Variants in ZNF607 observed in about 807,000 individuals in gnomAD.
The protein encoded by ZNF607 is zinc finger protein 607.
ZNF607 carries 5 observed loss-of-function variants against 12.8 expected under a neutral mutation model. That is an observed-to-expected ratio of 0.39 (90% CI 0.20 to 0.82). The LOEUF is 0.82. Ranked by LOEUF, ZNF607 falls within the 40% of genes least tolerant of loss-of-function variation. The probability of loss-of-function intolerance (pLI) is 0.39; values close to 1 mark genes in which losing one functional copy is unlikely to be tolerated. For missense variants in ZNF607, 851 were observed against 859.2 expected (o/e 0.99, Z 0.12); for synonymous variants, 287 against 276.2 (o/e 1.04, Z -0.39).
chr19:37,704,655 T>A (rs541479035), intron 4 of ZNF607, among the ~76,000 whole-genome samples: 1 of 152,214 alleles, frequency 6.6e-6, no homozygotes, highest in East Asian at 1.9e-4. Context: ...TATGTTAGCA[T>A]AAATAACAAC....
At chr19:37,712,482 G>A (rs755990086) in intron 1 of ZNF607, among the ~76,000 whole-genome samples, 1 of 152,124 alleles carries the variant, frequency 6.6e-6, no homozygotes, top group Admixed American at 6.6e-5. Flanking sequence ...CTGAACTCCA[G>A]CCTGGGTGAC....
chr19:37,696,554 T>C lies in ZNF607; in HGVS notation c.*1486A>G. 1 of 482,258 alleles carries C rather than the reference T, an allele frequency of 2.1e-6. No individual in the cohort carries two copies. Among genetic ancestry groups the C allele is most frequent in the Non-Finnish European group, 3.8e-6 (1 of 265,166 alleles). The allele number at this position is 482,258 out of a possible 1,614,324, so 29.9% of individuals were successfully genotyped here. A position where few individuals can be genotyped will look rare whatever the true frequency, so the allele number is the denominator to read the frequency against. On this transcript the variant is annotated 3_prime_UTR_variant, in exon 5 of 5. Transcript: ENST00000355202. ...TGATTTCTGGGGTGAGGGCGAAAGGTGGTGTTACGAATCATCGGGGCTGTG... is the reference window on the plus strand; with the variant it reads ...TGATTTCTGGGGTGAGGGCGAAAGGCGGTGTTACGAATCATCGGGGCTGTG...
Position 37,697,201 on chromosome 19 carries a change from C to A in ZNF607, c.*839G>T. ...GCACTACGTGGTTGAGAACAGCAGT[C>A]AAAGATAATTGGTTTTTGTACACAT... is the stretch of plus-strand genomic sequence containing the variant. On this transcript the variant is annotated 3_prime_UTR_variant, in exon 5 of 5. Coordinates refer to ENST00000355202, the MANE Select transcript of ZNF607 (RefSeq NM_032689.5). The A allele has an allele frequency of 1.4e-6, 1 of 733,618 alleles. No homozygotes were observed. Among genetic ancestry groups the A allele is most frequent in the South Asian group, 1.4e-5 (1 of 71,026 alleles). 45.4% of individuals were successfully genotyped at this position (733,618 alleles called of 1,614,324 possible).
intron 2 of ZNF607, 51 bp from the exon 3 acceptor site, chr19:37,709,873 G>A: frequency 6.3e-7 from 1 of 1,596,276 alleles, no homozygotes; most frequent in African/African-American, 1.3e-5. Context: ...ATGGAGTGGA[G>A]GGGCCGGGCA....
At chr19:37,705,675 A>ACT in intron 4 of ZNF607, among the ~76,000 whole-genome samples, 1 of 122,810 alleles carries the variant, frequency 8.1e-6, no homozygotes, top group South Asian at 2.6e-4. Flanking sequence ...AGAAAGCAAG[A>ACT]CTCTCTCTCC....
At chr19:37,702,378 AAAAC>A (rs1253861759) in intron 4 of ZNF607, among the ~76,000 whole-genome samples, 1 of 152,076 alleles carries the variant, frequency 6.6e-6, no homozygotes, top group Non-Finnish European at 1.5e-5. Flanking sequence ...TATAAACTAA[AAAAC>A]AAAGATTTTG....
Position 37,699,011 on chromosome 19 carries a change from A to AGGCTTTCCT in ZNF607, c.1119_1120insAGGAAAGCC (p.Ala373_Phe374insArgLysAla). 1.9e-6 allele frequency: 3 copies of AGGCTTTCCT among 1,613,958 alleles called. No homozygotes were observed. In the South Asian group the frequency reaches 3.3e-5, roughly 18 times the overall value. ...CGAGTAAGTCGTCCATGCACACTAA[A>AGGCTTTCCT]GGCTTTCCCACATTCCTCACACTTA... On this transcript the variant is annotated inframe_insertion, in exon 5 of 5. Transcript: ENST00000355202.
chr19:37,698,305 C>A lies in ZNF607; in HGVS notation c.1826G>T (p.Arg609Ile), dbSNP rs750627691. The change falls in exon 5 of 5, where the codon AGA (arginine) becomes ATA (isoleucine). Residue 609 changes from arginine (R) to isoleucine (I), a missense_variant. Coordinates refer to ENST00000355202, the MANE Select transcript of ZNF607 (RefSeq NM_032689.5). ...SHASHLIIHERIHTSDKPYEC... is the reference protein window; with the variant it reads ...SHASHLIIHEIIHTSDKPYEC... The stretch of plus-strand genomic sequence containing the variant: ...ATAGGGTTTATCACTGGTATGAATT[C>A]TCTCATGAATAATAAGATGTGAAGC... 2.5e-6 allele frequency: 4 copies of A among 1,613,946 alleles called. No homozygotes were observed. The highest frequency in any genetic ancestry group is 2.2e-5 in the South Asian group (2 of 91,066).
rs1269728468 is a variant in ZNF607, at chr19:37,698,840, T to G, written c.1291A>C (p.Ser431Arg). 6.2e-7 allele frequency: 1 copy of G among 1,613,908 alleles called. No homozygotes were observed. The highest frequency in any genetic ancestry group is 1.1e-5 in the South Asian group (1 of 91,064). ...YKCKECGKAF[S>R]QRAHLAHHNR... ...TGATGGGCAAGGTGTGCACGCTGAC[T>G]GAAGGCCTTCCCACATTCCTTACAT... Residue 431 changes from serine (S) to arginine (R), a missense_variant, in exon 5 of 5, where the codon AGT becomes CGT. Physicochemically the swap from Ser to Arg is moderately radical, Grantham distance 110. Transcript: ENST00000355202.
Position 37,698,700 on chromosome 19 carries a change from A to T in ZNF607, c.1431T>A (p.Tyr477Ter). The change falls in exon 5 of 5, where the codon TAT becomes TAA. Residue 477 changes from tyrosine to a stop codon, truncating the protein, a stop_gained. Coordinates refer to ENST00000355202, the MANE Select transcript of ZNF607 (RefSeq NM_032689.5). LOFTEE classifies it low-confidence loss of function (END_TRUNC). Reference protein sequence around the residue: ...HERIHTGEKPYVCQECGKGFS... With the variant: ...HERIHTGEKP Reference sequence around the variant, plus strand: ...AACCCTTCCCACACTCTTGACATACATAGGGTTTCTCTCCTGTATGAATTC... The same window carrying T: ...AACCCTTCCCACACTCTTGACATACTTAGGGTTTCTCTCCTGTATGAATTC... 1 of 1,613,338 alleles carries T rather than the reference A, an allele frequency of 6.2e-7. No individual in the cohort carries two copies. Among genetic ancestry groups the T allele is most frequent in the Non-Finnish European group, 8.5e-7 (1 of 1,179,460 alleles).
intron 2 of ZNF607, 151 bp downstream of exon 2, chr19:37,711,459 G>A (rs1599668052): frequency 5.2e-6 from 4 of 770,270 alleles, no homozygotes; most frequent in Admixed American, 2.1e-5. Context: ...GCTGGGTGAT[G>A]TGGTACATAT....
intron 1 of ZNF607, among the ~76,000 whole-genome samples, chr19:37,715,320 T>A (rs532633138): frequency 7.3e-5 from 11 of 151,530 alleles, no homozygotes; most frequent in African/African-American, 2.2e-4. Flanking sequence ...AAAAAAAAAA[T>A]TAGGTTTTTT....
Position 37,698,417 on chromosome 19 carries a change from G to A in ZNF607, c.1714C>T (p.His572Tyr). 9 of 1,614,184 alleles carry A rather than the reference G, an allele frequency of 5.6e-6. No homozygotes were observed. The highest frequency in any genetic ancestry group is 7.6e-6 in the Non-Finnish European group (9 of 1,180,020). ...TCATGATATATGAGGCTTGTGGCAT[G>A]ACGAAAGGCCTTGCCACATTCCTTA... ...ECKECGKAFR[H>Y]ATSLIYHDRT... Residue 572 changes from histidine (H) to tyrosine (Y), a missense_variant, in exon 5 of 5, where the codon CAT becomes TAT. Transcript: ENST00000355202.
rs1404151133 is a variant in ZNF607 at position 37,696,406 on chromosome 19, G to C, written c.*1634C>G. On this transcript the variant is annotated 3_prime_UTR_variant, in exon 5 of 5. Transcript: ENST00000355202. ...AAGCTAATGTTTATTGAACGTAACA[G>C]TATATTTCATGTAGTTTCCCATAAT... 1.3e-5 allele frequency: 3 copies of C among 231,126 alleles called. No individual in the cohort carries two copies. The highest frequency in any genetic ancestry group is 2.3e-5 in the African/African-American group (1 of 43,050). The allele number at this position is 231,126 out of a possible 1,614,324, so 14.3% of individuals were successfully genotyped here. A position where few individuals can be genotyped will look rare whatever the true frequency, so the allele number is the denominator to read the frequency against.
At chr19:37,715,216 T>C (rs1461153401) in intron 1 of ZNF607, among the ~76,000 whole-genome samples, 1 of 151,966 alleles carries the variant, frequency 6.6e-6, no homozygotes, top group African/African-American at 2.4e-5. Context: ...ACTTTCTGTT[T>C]CTTAAAGTTT....
chr19:37,703,725 GATCAGTCT>G (rs1435527825), intron 4 of ZNF607, among the ~76,000 whole-genome samples: 3 of 152,126 alleles, frequency 2.0e-5, no homozygotes, highest in African/African-American at 7.2e-5. Flanking sequence ...ACATAAAAGG[GATCAGTCT>G]ATCAAGAAAA....
Position 37,697,361 on chromosome 19 carries a change from C to G in ZNF607, c.*679G>C. ...CCATGCCTCCTGCAACAGCTAAGGC[C>G]AGGCCAAACTTGCCGATGGACTCAA... On this transcript the variant is annotated 3_prime_UTR_variant, in exon 5 of 5. Coordinates refer to ENST00000355202, the MANE Select transcript of ZNF607 (RefSeq NM_032689.5). The G allele has an allele frequency of 6.6e-7, 1 of 1,518,292 alleles. No homozygotes were observed. Among genetic ancestry groups the G allele is most frequent in the South Asian group, 1.1e-5 (1 of 89,146 alleles). The allele number at this position is 1,518,292 out of a possible 1,614,324, so 94.1% of individuals were successfully genotyped here.
chr19:37,697,037 A>C lies in ZNF607; in HGVS notation c.*1003T>G, dbSNP rs2044981128. The C allele has an allele frequency of 2.7e-6, 2 of 729,668 alleles. No homozygotes were observed. Among genetic ancestry groups the C allele is most frequent in the Admixed American group, 1.8e-5 (1 of 55,246 alleles). The allele number at this position is 729,668 out of a possible 1,614,324, so 45.2% of individuals were successfully genotyped here. A position where few individuals can be genotyped will look rare whatever the true frequency, so the allele number is the denominator to read the frequency against. Reference sequence around the variant, plus strand: ...CCAGTGACTTGAGGATCTCCGTGGTAATGAACGGCAGCACACACTCATCGT... The same window carrying C: ...CCAGTGACTTGAGGATCTCCGTGGTCATGAACGGCAGCACACACTCATCGT... On this transcript the variant is annotated 3_prime_UTR_variant, in exon 5 of 5. Coordinates refer to ENST00000355202, the MANE Select transcript of ZNF607 (RefSeq NM_032689.5).
chr19:37,708,219 G>A (rs1002391621), intron 3 of ZNF607, among the ~76,000 whole-genome samples: 15 of 148,564 alleles, frequency 1.0e-4, no homozygotes, highest in Non-Finnish European at 1.6e-4. Flanking sequence ...TTTTTGCGAC[G>A]GAGTCTCGCT....
Sources: allele counts gnomAD v4.1 joint callset (sites outside exome capture counted in the v4.1 genomes callset), GRCh38; gene constraint gnomAD v4.1.1; transcripts MANE v1.5; gene names NCBI Gene and HGNC (gene_info 2026-07-23, HGNC 2026-07-21).